Variants in POU2F1 observed in about 807,000 individuals in gnomAD.
POU2F1 encodes POU class 2 homeobox 1.
In POU2F1, 16 loss-of-function variants were observed where a neutral mutation model predicts 84.9. The ratio of observed to expected loss-of-function variants is 0.19; its 90% CI spans 0.13 to 0.29. The LOEUF (loss-of-function observed/expected upper bound fraction) is 0.29, where lower values mean the gene tolerates loss of function less well. Ranked by LOEUF, POU2F1 falls within the 10% of genes least tolerant of loss-of-function variation. The pLI, the probability that POU2F1 is intolerant of heterozygous loss-of-function variation, is 1.00. For missense variants in POU2F1, 738 were observed against 942.6 expected (o/e 0.78, Z 2.84); for synonymous variants, 368 against 368.3 (o/e 1.00, Z 0.01).
At chr1:167,261,401 A>G (rs547029617) in intron 1 of POU2F1, among the ~76,000 whole-genome samples, 1 of 152,318 alleles carries the variant, frequency 6.6e-6, no homozygotes, top group South Asian at 2.1e-4. Context: ...GCATAAGATA[A>G]TGGGGCCAGT....
chr1:167,344,002 G>C (rs1473080203), intron 2 of POU2F1, among the ~76,000 whole-genome samples: 2 of 152,042 alleles, frequency 1.3e-5, no homozygotes, highest in African/African-American at 4.8e-5. Context: ...TGTTGAAAGG[G>C]CTGGTAGAGG....
rs1650944371 is a variant in POU2F1, at chr1:167,426,295, A to G, written c.*10485A>G. ...TTCAGTGTAATGCTCTTAAAGTCAT[A>G]GCATGAAAATAATTGAACTGTCCTA... On this transcript the variant is annotated 3_prime_UTR_variant, in exon 16 of 16. Coordinates refer to ENST00000367866, the MANE Select transcript of POU2F1 (RefSeq NM_002697.4). The G allele has an allele frequency of 6.6e-6, 1 of 152,206 alleles. No homozygotes were observed. Among genetic ancestry groups the G allele is most frequent in the Non-Finnish European group, 1.5e-5 (1 of 68,036 alleles). 9.4% of individuals were successfully genotyped at this position (152,206 alleles called of 1,614,324 possible). A position where few individuals can be genotyped will look rare whatever the true frequency, so the allele number is the denominator to read the frequency against.
chr1:167,327,819 A>G (rs1295326137), intron 1 of POU2F1, among the ~76,000 whole-genome samples: 2 of 152,198 alleles, frequency 1.3e-5, no homozygotes, highest in Non-Finnish European at 2.9e-5. Context: ...CTAGTTTTAA[A>G]TCCTGATTCC....
chr1:167,243,673 G>A (rs1650084458), intron 1 of POU2F1, among the ~76,000 whole-genome samples: 2 of 152,028 alleles, frequency 1.3e-5, no homozygotes, highest in South Asian at 4.1e-4. Context: ...ATGGGGTTTT[G>A]CCATGTTGGC....
chr1:167,358,388 G>A (rs997330914), intron 2 of POU2F1, among the ~76,000 whole-genome samples: 4 of 151,816 alleles, frequency 2.6e-5, no homozygotes, highest in African/African-American at 9.7e-5. Flanking sequence ...TTATGGTATC[G>A]AGGTTATGCT....
intron 10 of POU2F1, among the ~76,000 whole-genome samples, chr1:167,397,370 TAAAC>T (rs1648882528): frequency 6.6e-6 from 1 of 152,148 alleles, no homozygotes; most frequent in African/African-American, 2.4e-5. Flanking sequence ...CCAGAACTTA[TAAAC>T]AAACAGAACT....
intron 1 of POU2F1, among the ~76,000 whole-genome samples, chr1:167,228,713 T>C (rs2102333972): frequency 6.6e-6 from 1 of 152,376 alleles, no homozygotes; most frequent in East Asian, 1.9e-4. Context: ...GATCAATTTT[T>C]TGTCCATGCA....
chr1:167,284,039 G>A (rs193230702), intron 1 of POU2F1, among the ~76,000 whole-genome samples: 48 of 152,146 alleles, frequency 3.2e-4, no homozygotes, highest in Non-Finnish European at 2.6e-4. Flanking sequence ...ATTTTTGACC[G>A]CTCTTAGGGA....
chr1:167,373,026 A>G (rs772111725), intron 5 of POU2F1, among the ~76,000 whole-genome samples: 2 of 152,000 alleles, frequency 1.3e-5, no homozygotes, highest in Admixed American at 1.3e-4. Context: ...ACAAAATCCC[A>G]TGAGTAGAGA....
Position 167,415,936 on chromosome 1 carries a change from A to T in POU2F1, c.*126A>T. ...CCGTGTTGTGAGGGCAAAGGAGAGA[A>T]GGGAGAAAAAAAAAAAAAAACCACA... On this transcript the variant is annotated 3_prime_UTR_variant, in exon 16 of 16. Transcript: ENST00000367866. 6.7e-5 allele frequency: 33 copies of T among 495,122 alleles called. No homozygotes were observed. Among genetic ancestry groups the T allele is most frequent in the Non-Finnish European group, 9.4e-5 (27 of 288,532 alleles). The allele number at this position is 495,122 out of a possible 1,614,324, so 30.7% of individuals were successfully genotyped here.
Position 167,410,359 on chromosome 1 carries a change from AG to A in POU2F1, c.1556-1599del, listed in dbSNP as rs1325437778. 5.3e-5 allele frequency among the ~76,000 whole-genome samples: 8 copies of A among 152,304 alleles called. No individual in the cohort carries two copies. The East Asian group carries it at 1.3e-3, about 26-fold the overall frequency. On this transcript the variant is annotated intron_variant, in intron 13 of 15. Transcript: ENST00000367866. ...TGATAAAAACTGAAGAGTGGAAGTGAGAGTTCAATTCTAGATGTTCTTAGTA... is the reference window on the plus strand; with the variant it reads ...TGATAAAAACTGAAGAGTGGAAGTGAAGTTCAATTCTAGATGTTCTTAGTA...
At chr1:167,331,539 T>C (rs935050854) in intron 1 of POU2F1, among the ~76,000 whole-genome samples, 11 of 152,206 alleles carry the variant, frequency 7.2e-5, no homozygotes, top group Non-Finnish European at 1.3e-4. Flanking sequence ...GACAGTAAAC[T>C]TGTTTGATCA....
At position 167,340,580 on chromosome 1, in the gene POU2F1, C is replaced by T. The variant is rs12039941; in HGVS notation, c.127+8045C>T. On this transcript the variant is annotated intron_variant, in intron 2 of 15. Transcript: ENST00000367866. ...TCAAGTAGCCGGGATTACAGGTGTG[C>T]GCCCCCACGCCCAGCTAATTTTTGT... Among the ~76,000 whole-genome samples the T allele has an allele frequency of 1.0e-3, 154 of 151,742 alleles. 1 individual carries two copies. In the East Asian group the frequency reaches 0.016, roughly 15 times the overall value.
rs965306071 is a variant in POU2F1 at position 167,414,028 on chromosome 1, G to T, written c.1990+914G>T. On this transcript the variant is annotated intron_variant, in intron 15 of 15. Transcript: ENST00000367866. ...AAATTAAAGTGTTTTGTGCATAAAT[G>T]AGAATTCTCAGGGCCAAAAATAACT... Among the ~76,000 whole-genome samples the T allele has an allele frequency of 3.3e-5, 5 of 150,408 alleles. No homozygotes were observed. The East Asian group carries it at 9.7e-4, about 29-fold the overall frequency.
chr1:167,334,832 G>A (rs1029782632), intron 2 of POU2F1, among the ~76,000 whole-genome samples: 2 of 152,032 alleles, frequency 1.3e-5, no homozygotes, highest in Non-Finnish European at 2.9e-5. Flanking sequence ...TCTTTTTTTG[G>A]TAGTTTATGA....
intron 1 of POU2F1, among the ~76,000 whole-genome samples, chr1:167,314,630 C>T (rs747071270): frequency 7.2e-5 from 11 of 151,952 alleles, no homozygotes; most frequent in African/African-American, 1.7e-4. Context: ...AAAAATAAGC[C>T]GGGCATTGTG....
chr1:167,415,388 T>G lies in POU2F1; in HGVS notation c.1991-112T>G, dbSNP rs747530842. On this transcript the variant is annotated intron_variant, in intron 15 of 15. Transcript: ENST00000367866. ...AAAAAAATTCAGTGAAGGGCTATAC[T>G]TTTTCCTGGTGGGTTGTAGGAAAAT... 116 of 1,215,670 alleles carry G rather than the reference T, an allele frequency of 9.5e-5. No individual in the cohort carries two copies. In the South Asian group the frequency reaches 1.6e-3, roughly 17 times the overall value. The allele number at this position is 1,215,670 out of a possible 1,614,324, so 75.3% of individuals were successfully genotyped here. A position where few individuals can be genotyped will look rare whatever the true frequency, so the allele number is the denominator to read the frequency against.
At chr1:167,362,826 A>G (rs560546870) in intron 2 of POU2F1, among the ~76,000 whole-genome samples, 1 of 152,112 alleles carries the variant, frequency 6.6e-6, no homozygotes, top group Non-Finnish European at 1.5e-5. Flanking sequence ...TGAAGGCAGA[A>G]TATTGCCTGT....
chr1:167,309,470 C>A (rs1386851813), intron 1 of POU2F1, among the ~76,000 whole-genome samples: 1 of 152,130 alleles, frequency 6.6e-6, no homozygotes, highest in East Asian at 1.9e-4. Flanking sequence ...TTTCTCTCTC[C>A]ATATAACCAG....
Sources: allele counts gnomAD v4.1 joint callset (sites outside exome capture counted in the v4.1 genomes callset), GRCh38; gene constraint gnomAD v4.1.1; transcripts MANE v1.5; gene names NCBI Gene and HGNC (gene_info 2026-07-23, HGNC 2026-07-21).